Variants in CSTL1 observed in about 807,000 individuals in gnomAD.
CSTL1 encodes the protein cystatin like 1, also known as cystatin-like 1.
Under a neutral mutation model 14.4 loss-of-function variants are expected in CSTL1, and 14 were observed. The ratio of observed to expected loss-of-function variants is 0.97; its 90% confidence interval spans 0.64 to 1.52. CSTL1 has a LOEUF of 1.52. CSTL1 is among the 40% of genes most tolerant of loss of function. The probability of loss-of-function intolerance (pLI) is 0.00; values close to 1 mark genes in which losing one functional copy is unlikely to be tolerated. For synonymous variants in CSTL1, 72 were observed against 67.5 expected (o/e 1.07, Z -0.33); for missense variants, 170 against 168.7 (o/e 1.01, Z -0.04).
chr20:23,444,172 G>A, intron 3 of CSTL1, 128 bp downstream of exon 3: 1 of 755,904 alleles, frequency 1.3e-6, no homozygotes. Flanking sequence ...GGGCTGTCTG[G>A]CACCTCCTGA....
downstream of CSTL1, among the ~76,000 whole-genome samples, chr20:23,446,266 C>CT (rs1252698154): frequency 1.1e-3 from 155 of 140,300 alleles, 1 homozygote; most frequent in African/African-American, 4.2e-3. Flanking sequence ...TTTTTTTTTT[C>CT]TTTTTTTTGA....
intron 3 of CSTL1, 100 bp from the exon 4 acceptor site, chr20:23,444,671 G>T (rs891013661): frequency 1.5e-5 from 11 of 738,212 alleles, no homozygotes; most frequent in Non-Finnish European, 2.4e-5. Flanking sequence ...TGCCCATGGG[G>T]TTCATGAGCA....
chr20:23,450,547 CA>C, the CSTL1 span: 4 of 1,612,436 alleles, frequency 2.5e-6, no homozygotes, highest in Non-Finnish European at 3.4e-6. Context: ...TTGTACTGTT[CA>C]AACCAGGGTA....
At chr20:23,452,995 T>C in the CSTL1 span, 1 of 601,952 alleles carries the variant, frequency 1.7e-6, no homozygotes, top group Non-Finnish European at 3.0e-6. Flanking sequence ...CAAGAGACTG[T>C]GCAATGGTTT....
chr20:23,452,965 T>C, the CSTL1 span: 349,047 of 616,656 alleles, frequency 0.57, 104,290 homozygotes, highest in African/African-American at 0.89. Flanking sequence ...CATCAGCAGC[T>C]GAACTCGAGG....
chr20:23,451,838 G>A, the CSTL1 span: 8 of 1,613,894 alleles, frequency 5.0e-6, no homozygotes, highest in Non-Finnish European at 5.1e-6. Context: ...CCTTTCCTGG[G>A]GGACACAGTT....
chr20:23,454,853 C>G, the CSTL1 span, among the ~76,000 whole-genome samples: 1 of 152,216 alleles, frequency 6.6e-6, no homozygotes. Context: ...AGTAACAGAG[C>G]TGCATTTTTG....
downstream of CSTL1, among the ~76,000 whole-genome samples, chr20:23,447,503 T>C (rs1235246349): frequency 6.6e-6 from 1 of 151,558 alleles, no homozygotes; most frequent in Non-Finnish European, 1.5e-5. Flanking sequence ...AGTTCCACTC[T>C]TGTTGCCCAG....
At chr20:23,451,682 G>A in the CSTL1 span, 2 of 594,600 alleles carry the variant, frequency 3.4e-6, no homozygotes, top group South Asian at 4.1e-5. Context: ...TCTGAGGAAG[G>A]AGGTGTTACC....
the CSTL1 span, among the ~76,000 whole-genome samples, chr20:23,454,164 TACAC>T: frequency 8.6e-6 from 1 of 116,608 alleles, no homozygotes; most frequent in Admixed American, 8.3e-5. Context: ...ACACACATAC[TACAC>T]ACACATCTAC....
chr20:23,444,740 C>T, intron 3 of CSTL1, 31 bp from the exon 4 acceptor site: 2 of 1,481,390 alleles, frequency 1.4e-6, no homozygotes, highest in Non-Finnish European at 1.9e-6. Flanking sequence ...AAATACTTCC[C>T]CCAAAGTCTG....
chr20:23,444,806 C>G lies in CSTL1; in HGVS notation c.366C>G (p.Pro122=). The G allele has an allele frequency of 1.2e-6, 2 of 1,613,902 alleles. No homozygotes were observed. The highest frequency in any genetic ancestry group is 1.7e-6 in the Non-Finnish European group (2 of 1,179,786). ...GCGAGTCTTTGATATACACCATGCC[C>G]TGGATAAACTATTTCCAGCTCTGGA... ...LICESLIYTM[P]WINYFQLWNN... is the part of the protein sequence containing the mutation. Residue 122 remains proline (P), a synonymous_variant, in exon 4 of 4, where the codon CCC becomes CCG. Coordinates refer to ENST00000347397, the MANE Select transcript of CSTL1 (RefSeq NM_138283.1).
chr20:23,452,242 C>T, the CSTL1 span, among the ~76,000 whole-genome samples: 1 of 152,120 alleles, frequency 6.6e-6, no homozygotes, highest in Admixed American at 6.5e-5. Flanking sequence ...TTTTATTGGC[C>T]ATGTGGTCTC....
downstream of CSTL1, among the ~76,000 whole-genome samples, chr20:23,445,098 A>G (rs1382674104): frequency 6.6e-6 from 1 of 151,972 alleles, no homozygotes; most frequent in Non-Finnish European, 1.5e-5. Context: ...ATTCACTTTA[A>G]CAGCCTCACA....
chr20:23,450,873 T>C, the CSTL1 span, among the ~76,000 whole-genome samples: 2 of 152,214 alleles, frequency 1.3e-5, no homozygotes, highest in African/African-American at 4.8e-5. Flanking sequence ...CTCTTCATTT[T>C]TACTCATTTT....
At chr20:23,458,163 C>T in the CSTL1 span, among the ~76,000 whole-genome samples, 1 of 152,156 alleles carries the variant, frequency 6.6e-6, no homozygotes, top group Non-Finnish European at 1.5e-5. Context: ...GGTTAAGATG[C>T]TAAAATTAAA....
downstream of CSTL1, chr20:23,444,978 C>T: frequency 3.8e-6 from 3 of 789,100 alleles, no homozygotes; most frequent in South Asian, 1.5e-5. Context: ...CACACATGCA[C>T]ACACAGAGTG....
downstream of CSTL1, among the ~76,000 whole-genome samples, chr20:23,449,742 A>G (rs1364882085): frequency 6.6e-6 from 1 of 152,126 alleles, no homozygotes; most frequent in Admixed American, 6.5e-5. Flanking sequence ...TGTCCTCAGG[A>G]CTTCCTCTCC....
chr20:23,459,121 T>C, the CSTL1 span: 4 of 152,378 alleles, frequency 2.6e-5, no homozygotes, highest in East Asian at 7.7e-4. Flanking sequence ...AAGCGCCTTC[T>C]GATTGCCTGG....
Sources: allele counts gnomAD v4.1 joint callset (sites outside exome capture counted in the v4.1 genomes callset), GRCh38; gene constraint gnomAD v4.1.1; transcripts MANE v1.5; gene names NCBI Gene and HGNC (gene_info 2026-07-23, HGNC 2026-07-21).